Variants in CDK15 observed in about 807,000 individuals in gnomAD.
The protein encoded by CDK15 is cyclin dependent kinase 15.
CDK15 carries 62 observed loss-of-function variants against 60.3 expected under a neutral mutation model. The observed-to-expected ratio is 1.03, with a 90% CI of 0.84 to 1.27. The LOEUF (loss-of-function observed/expected upper bound fraction) is 1.27, where lower values mean the gene tolerates loss of function less well. CDK15 is among the 50% of genes most tolerant of loss of function. CDK15 has a pLI of 0.00. For missense variants in CDK15, 541 were observed against 527.8 expected (o/e 1.03, Z -0.25); for synonymous variants, 194 against 195.7 (o/e 0.99, Z 0.07).
intron 8 of CDK15, among the ~76,000 whole-genome samples, chr2:201,841,379 TA>T (rs750624476): frequency 6.6e-6 from 1 of 152,206 alleles, no homozygotes; most frequent in Non-Finnish European, 1.5e-5. Context: ...CTGGTAAAAC[TA>T]AAAATGTAAT....
intron 6 of CDK15, among the ~76,000 whole-genome samples, chr2:201,832,715 G>T (rs965901265): frequency 6.6e-6 from 1 of 152,224 alleles, no homozygotes; most frequent in African/African-American, 2.4e-5. Context: ...CCATGCTCCT[G>T]CTTCCATTGG....
chr2:201,821,569 A>C (rs1379450606), intron 4 of CDK15, among the ~76,000 whole-genome samples: 1 of 152,170 alleles, frequency 6.6e-6, no homozygotes, highest in Non-Finnish European at 1.5e-5. Flanking sequence ...ATATGCAGGC[A>C]TAGGCTACAG....
chr2:201,888,727 TCC>T, intron 12 of CDK15: 6 of 1,194,316 alleles, frequency 5.0e-6, no homozygotes, highest in Admixed American at 4.4e-5. Flanking sequence ...TCTCTCTCTC[TCC>T]CTCCCTCCCT....
intron 12 of CDK15, among the ~76,000 whole-genome samples, chr2:201,886,365 G>A (rs1163435094): frequency 2.0e-5 from 3 of 146,888 alleles, no homozygotes; most frequent in South Asian, 2.1e-4. Context: ...TGCTCTTGTC[G>A]CCCAGGCTGG....
chr2:201,824,767 C>T lies in CDK15; in HGVS notation c.606+1040C>T, dbSNP rs147147693. The T allele has an allele frequency of 1.0e-4, 75 of 718,960 alleles. No individual in the cohort carries two copies. The Middle Eastern group carries it at 1.7e-3, about 17-fold the overall frequency. 44.5% of individuals were successfully genotyped at this position (718,960 alleles called of 1,614,324 possible). On this transcript the variant is annotated intron_variant, in intron 6 of 13. Coordinates refer to ENST00000652192, the MANE Select transcript of CDK15 (RefSeq NM_001366386.2). ...CAAAGTTATCCTTCAAGAGCTTCAG[C>T]GCCTAATGATGTCTAAAGAAAATGT...
In CDK15 at chr2:201,817,668, G is replaced by A. The variant is rs184802354; in HGVS notation, c.448+5106G>A. Among the ~76,000 whole-genome samples, 96 of 152,314 alleles carry A rather than the reference G, an allele frequency of 6.3e-4. 1 individual carries two copies. The highest frequency in any genetic ancestry group is 2.2e-3 in the African/African-American group (92 of 41,576). ...CCCTAAGGTCATACAATGAGGCAGGGGAGGAGGCTGATTAGAACTTCTGAA... is the reference window on the plus strand; with the variant it reads ...CCCTAAGGTCATACAATGAGGCAGGAGAGGAGGCTGATTAGAACTTCTGAA... On this transcript the variant is annotated intron_variant, in intron 4 of 13. Transcript: ENST00000652192.
chr2:201,835,508 G>C, intron 7 of CDK15, 135 bp from the exon 8 acceptor site: 1 of 1,002,508 alleles, frequency 1.0e-6, no homozygotes, highest in Non-Finnish European at 1.4e-6. Context: ...CAAGAGTCAA[G>C]ATAGTGATTA....
intron 9 of CDK15, among the ~76,000 whole-genome samples, chr2:201,848,327 A>G (rs1697759409): frequency 6.6e-6 from 1 of 152,226 alleles, no homozygotes; most frequent in African/African-American, 2.4e-5. Flanking sequence ...ATATAGTATT[A>G]CAGTCATACT....
chr2:201,888,128 A>G (rs907267831), intron 12 of CDK15, among the ~76,000 whole-genome samples: 1 of 145,268 alleles, frequency 6.9e-6, no homozygotes, highest in African/African-American at 2.6e-5. Flanking sequence ...AAGGTTATTT[A>G]GCCCCTCAAT....
chr2:201,888,758 C>T (rs758278916), intron 12 of CDK15: 5 of 1,194,804 alleles, frequency 4.2e-6, no homozygotes, highest in Non-Finnish European at 5.2e-6. Flanking sequence ...GGAGCTGCTG[C>T]TTTTGAGGGG....
At chr2:201,842,311 A>G (rs899711969) in intron 8 of CDK15, among the ~76,000 whole-genome samples, 8 of 152,206 alleles carry the variant, frequency 5.3e-5, no homozygotes, top group African/African-American at 9.7e-5. Context: ...GTCGTAGTAC[A>G]CTGAGTTTTC....
chr2:201,827,643 G>A (rs1265992029), intron 6 of CDK15, among the ~76,000 whole-genome samples: 1 of 151,822 alleles, frequency 6.6e-6, no homozygotes, highest in African/African-American at 2.4e-5. Context: ...GTCTCTTTTT[G>A]TTACCCAGGC....
chr2:201,870,642 T>TC (rs571396738), intron 10 of CDK15, among the ~76,000 whole-genome samples: 23 of 151,604 alleles, frequency 1.5e-4, no homozygotes, highest in African/African-American at 5.6e-4. Flanking sequence ...GGTGGGAGGA[T>TC]CACTTGAGGC....
intron 8 of CDK15, among the ~76,000 whole-genome samples, chr2:201,840,786 A>G (rs1697340591): frequency 1.3e-5 from 2 of 151,766 alleles, no homozygotes; most frequent in South Asian, 4.2e-4. Context: ...AGGTGATCTC[A>G]TTTTCTCTGG....
intron 4 of CDK15, among the ~76,000 whole-genome samples, chr2:201,819,034 C>A (rs1696109250): frequency 6.6e-6 from 1 of 151,764 alleles, no homozygotes; most frequent in African/African-American, 2.4e-5. Context: ...TGGAGACAGA[C>A]AATAAACAAA....
intron 8 of CDK15, among the ~76,000 whole-genome samples, chr2:201,843,226 G>A (rs957646245): frequency 3.3e-5 from 5 of 151,838 alleles, no homozygotes; most frequent in African/African-American, 4.8e-5. Flanking sequence ...TGGCTCTGTC[G>A]CCCAGGCTGG....
At chr2:201,820,804 AC>A (rs1226636007) in intron 4 of CDK15, among the ~76,000 whole-genome samples, 1 of 152,220 alleles carries the variant, frequency 6.6e-6, no homozygotes, top group Non-Finnish European at 1.5e-5. Context: ...GCTGTTTATT[AC>A]ATTTACAAAG....
At chr2:201,807,765 T>A in intron 2 of CDK15, 93 bp from the exon 3 acceptor site, 1 of 1,547,092 alleles carries the variant, frequency 6.5e-7, no homozygotes. Flanking sequence ...CAATGCTGTC[T>A]AATTTCCCTG....
intron 6 of CDK15, chr2:201,824,553 A>G (rs1001922040): frequency 2.7e-5 from 7 of 264,082 alleles, no homozygotes; most frequent in African/African-American, 1.4e-4. Flanking sequence ...GGCAGCCACC[A>G]TGGGCTCAGG....
Sources: allele counts gnomAD v4.1 joint callset (sites outside exome capture counted in the v4.1 genomes callset), GRCh38; gene constraint gnomAD v4.1.1; transcripts MANE v1.5; gene names NCBI Gene and HGNC (gene_info 2026-07-23, HGNC 2026-07-21).